ANKDD1B: variants seen among roughly 807,000 people sequenced by gnomAD.
The protein encoded by ANKDD1B is ankyrin repeat and death domain containing 1B.
In ANKDD1B, 57 loss-of-function variants were observed where a neutral mutation model predicts 59.7. The ratio of observed to expected loss-of-function variants is 0.95; its 90% CI spans 0.77 to 1.19. The LOEUF (loss-of-function observed/expected upper bound fraction) is 1.19, where lower values mean the gene tolerates loss of function less well. Ranked by LOEUF, ANKDD1B falls within the 50% of genes most tolerant of loss-of-function variation. The pLI is 0.00. For synonymous variants in ANKDD1B, 216 were observed against 239.5 expected (o/e 0.90, Z 0.91); for missense variants, 602 against 641.9 (o/e 0.94, Z 0.67).
intron 5 of ANKDD1B, among the ~76,000 whole-genome samples, chr5:75,632,120 AAAAG>A (rs1318827962): frequency 2.0e-5 from 3 of 151,930 alleles, no homozygotes; most frequent in South Asian, 4.1e-4. Context: ...AAAAAAAAAA[AAAAG>A]AAGAAAAAGA....
intron 7 of ANKDD1B, 138 bp from the exon 8 acceptor site, chr5:75,653,004 G>C: frequency 1.5e-6 from 1 of 666,080 alleles, no homozygotes; most frequent in Non-Finnish European, 2.7e-6. Context: ...GTCTGTCATT[G>C]ACCAAATCAC....
In ANKDD1B at chr5:75,663,557, G is replaced by A; in HGVS notation, c.1191+68G>A. On this transcript the variant is annotated intron_variant, in intron 11 of 13. Coordinates refer to ENST00000601380, the MANE Select transcript of ANKDD1B (RefSeq NM_001276713.2). Reference sequence around the variant, plus strand: ...ACACCCATCTTCTTGCAGGGGCAATGGGGGGGTCTGTGCCATTCTTTGCTC... The same window carrying A: ...ACACCCATCTTCTTGCAGGGGCAATAGGGGGGTCTGTGCCATTCTTTGCTC... 4 of 1,245,406 alleles carry A rather than the reference G, an allele frequency of 3.2e-6. No homozygotes were observed. In the South Asian group the frequency reaches 5.1e-5, roughly 16 times the overall value. 77.1% of individuals were successfully genotyped at this position (1,245,406 alleles called of 1,614,324 possible).
intron 7 of ANKDD1B, among the ~76,000 whole-genome samples, chr5:75,649,737 G>T (rs752737646): frequency 6.6e-6 from 1 of 152,206 alleles, no homozygotes; most frequent in Admixed American, 6.5e-5. Flanking sequence ...TAGCCAACAA[G>T]TCATGCTATT....
At chr5:75,653,774 A>C (rs748325451) in intron 8 of ANKDD1B, among the ~76,000 whole-genome samples, 24 of 152,356 alleles carry the variant, frequency 1.6e-4, no homozygotes, top group Non-Finnish European at 3.1e-4. Flanking sequence ...CTCCGTTGAG[A>C]ATATGATTTC....
At chr5:75,648,564 C>T (rs567265755) in intron 7 of ANKDD1B, among the ~76,000 whole-genome samples, 96 of 152,300 alleles carry the variant, frequency 6.3e-4, no homozygotes, top group African/African-American at 2.0e-3. Flanking sequence ...CCATATTGCC[C>T]CTGTCCTTAC....
chr5:75,671,220 A>G lies in ANKDD1B; in HGVS notation c.*180A>G, dbSNP rs1252372180. 7 of 373,172 alleles carry G rather than the reference A, an allele frequency of 1.9e-5. No homozygotes were observed. The highest frequency in any genetic ancestry group is 2.8e-5 in the Non-Finnish European group (6 of 210,602). The allele number at this position is 373,172 out of a possible 1,614,324, so 23.1% of individuals were successfully genotyped here. A position where few individuals can be genotyped will look rare whatever the true frequency, so the allele number is the denominator to read the frequency against. ...TTTCAACCACTAAAAAGTCAAATAT[A>G]GTTTTTTTTGCTGAGGGCAAGTTGT... On this transcript the variant is annotated 3_prime_UTR_variant, in exon 14 of 14. Transcript: ENST00000601380.
intron 9 of ANKDD1B, among the ~76,000 whole-genome samples, chr5:75,658,129 C>T (rs746686540): frequency 5.9e-5 from 9 of 151,786 alleles, no homozygotes; most frequent in African/African-American, 1.2e-4. Context: ...CCCAGGAGTT[C>T]GAGGTTACAG....
At chr5:75,632,778 G>C (rs906862879) in intron 5 of ANKDD1B, among the ~76,000 whole-genome samples, 1 of 152,062 alleles carries the variant, frequency 6.6e-6, no homozygotes, top group Non-Finnish European at 1.5e-5. Flanking sequence ...AGCAGCACTC[G>C]GTTACTACAT....
chr5:75,657,898 A>C (rs1775016432), intron 9 of ANKDD1B, among the ~76,000 whole-genome samples: 1 of 150,966 alleles, frequency 6.6e-6, no homozygotes. Flanking sequence ...CTCCATCTCA[A>C]GAAAAAAAAA....
At chr5:75,669,948 C>A (rs758739171) in intron 13 of ANKDD1B, among the ~76,000 whole-genome samples, 1 of 152,202 alleles carries the variant, frequency 6.6e-6, no homozygotes, top group Non-Finnish European at 1.5e-5. Flanking sequence ...TGTTGTAGCT[C>A]TCATGTAATA....
intron 3 of ANKDD1B, among the ~76,000 whole-genome samples, chr5:75,623,159 A>G (rs913173367): frequency 6.6e-6 from 1 of 151,964 alleles, no homozygotes; most frequent in Admixed American, 6.6e-5. Context: ...GCTTGCCGCA[A>G]CCTCCTCTTC....
intron 7 of ANKDD1B, 88 bp downstream of exon 7, chr5:75,635,970 A>G (rs1053248997): frequency 1.3e-6 from 1 of 793,766 alleles, no homozygotes; most frequent in Non-Finnish European, 2.0e-6. Flanking sequence ...GAGGAAAACA[A>G]AGGTGTTAGT....
At chr5:75,652,907 G>A (rs529850537) in intron 7 of ANKDD1B, among the ~76,000 whole-genome samples, 3 of 152,208 alleles carry the variant, frequency 2.0e-5, no homozygotes, top group African/African-American at 7.2e-5. Context: ...CTACAAACCT[G>A]TACAGCATAG....
At chr5:75,621,422 C>T (rs1221450828) in intron 3 of ANKDD1B, among the ~76,000 whole-genome samples, 1 of 152,046 alleles carries the variant, frequency 6.6e-6, no homozygotes, top group African/African-American at 2.4e-5. Flanking sequence ...CCCCAATCCA[C>T]CTGATACCAT....
intron 2 of ANKDD1B, among the ~76,000 whole-genome samples, 165 bp from the exon 3 acceptor site, chr5:75,620,150 C>T (rs1014994961): frequency 1.3e-5 from 2 of 152,134 alleles, no homozygotes; most frequent in African/African-American, 4.8e-5. Flanking sequence ...AGGCAGAATT[C>T]GGCTGGACAC....
chr5:75,619,706 G>C (rs541761179), intron 2 of ANKDD1B, among the ~76,000 whole-genome samples: 1 of 152,302 alleles, frequency 6.6e-6, no homozygotes, highest in South Asian at 2.1e-4. Context: ...CTGTCTCTGG[G>C]TATCCCAGGA....
intron 1 of ANKDD1B, among the ~76,000 whole-genome samples, chr5:75,613,294 G>T (rs1716046676): frequency 6.6e-6 from 1 of 152,222 alleles, no homozygotes; most frequent in Non-Finnish European, 1.5e-5. Context: ...TTTATGCATA[G>T]GGTATTATGG....
In ANKDD1B at chr5:75,635,794, C is replaced by A. The variant is rs1416960545; in HGVS notation, c.710C>A (p.Thr237Asn). The change falls in exon 7 of 14, where the codon ACT becomes AAT. Residue 237 changes from threonine (T) to asparagine (N), a missense_variant. By Grantham distance (65) the Thr-to-Asn change is moderately conservative. This residue lies in a region of ANKDD1B where 317 missense variants were observed against 304.6 expected (regional missense o/e 1.04). Transcript: ENST00000601380. ...GTGTCTCTGTTGCAGGGGGGAAACA[C>A]TGCCTTGCACCTCGCTGCGAAGCAT... ...HTSEKDKGGN[T>N]ALHLAAKHGH... 1.3e-6 allele frequency: 2 copies of A among 1,530,666 alleles called. No individual in the cohort carries two copies. Among genetic ancestry groups the A allele is most frequent in the East Asian group, 4.9e-5 (2 of 40,728 alleles). 94.8% of individuals were successfully genotyped at this position (1,530,666 alleles called of 1,614,324 possible).
At chr5:75,640,975 C>A (rs950152753) in intron 7 of ANKDD1B, among the ~76,000 whole-genome samples, 1 of 152,114 alleles carries the variant, frequency 6.6e-6, no homozygotes, top group Non-Finnish European at 1.5e-5. Context: ...GAAACAGACA[C>A]TCTATTCTAC....
Sources: gnomAD v4.1 joint callset for allele counts (sites outside exome capture counted in the v4.1 genomes callset) on GRCh38, gnomAD v4.1.1 for gene constraint, gnomAD v4.1.1 regional missense constraint, MANE v1.5 for transcripts, NCBI Gene and HGNC (gene_info 2026-07-23, HGNC 2026-07-21) for gene names.